PTPRJ: variants seen among roughly 807,000 people sequenced by gnomAD.
PTPRJ encodes protein tyrosine phosphatase receptor type J.
In PTPRJ, 129 loss-of-function variants were observed where a neutral mutation model predicts 141.3. The ratio of observed to expected loss-of-function variants is 0.91; its 90% CI spans 0.79 to 1.06. PTPRJ has a LOEUF of 1.06. Ranked by LOEUF, PTPRJ falls within the 50% of genes least tolerant of loss-of-function variation. PTPRJ has a pLI of 0.00. For synonymous variants in PTPRJ, 610 were observed against 640.5 expected (o/e 0.95, Z 0.72); for missense variants, 1,601 against 1,679.7 (o/e 0.95, Z 0.82).
chr11:48,069,082 G>A (rs942960150), intron 1 of PTPRJ, among the ~76,000 whole-genome samples: 2 of 151,686 alleles, frequency 1.3e-5, no homozygotes, highest in African/African-American at 4.9e-5. Flanking sequence ...AGAATAAGAT[G>A]TGTACCCATT....
chr11:48,139,675 C>T lies in PTPRJ; in HGVS notation c.2342C>T (p.Thr781Met), dbSNP rs774943725. 8.1e-6 allele frequency: 13 copies of T among 1,614,036 alleles called. No homozygotes were observed. Among genetic ancestry groups the T allele is most frequent in the South Asian group, 2.2e-5 (2 of 91,082 alleles). ...GGCACTGAGTATAGAACGGAAGTCA[C>T]GTATTTGAATTTTTCTACCTCGTAC... is the stretch of plus-strand genomic sequence containing the variant. ...ENGTEYRTEV[T>M]YLNFSTSYNI... Residue 781 changes from threonine to methionine, a missense_variant, in exon 11 of 25, where the codon ACG (threonine) becomes ATG (methionine). By Grantham distance (81) the Thr-to-Met change is moderately conservative (BLOSUM62 -1). Transcript: ENST00000418331.
intron 1 of PTPRJ, among the ~76,000 whole-genome samples, chr11:47,999,354 T>G (rs974527230): frequency 2.6e-5 from 4 of 152,354 alleles, no homozygotes. Flanking sequence ...GGAAGGAATC[T>G]GTTAAGAATG....
intron 1 of PTPRJ, 152 bp downstream of exon 1, chr11:47,981,160 C>T (rs1317497489): frequency 2.5e-6 from 2 of 800,990 alleles, no homozygotes; most frequent in East Asian, 4.2e-5. Context: ...GCGGGGACCC[C>T]GGCCGGCCTC....
intron 1 of PTPRJ, among the ~76,000 whole-genome samples, chr11:48,071,704 G>T (rs1043183704): frequency 6.7e-6 from 1 of 148,280 alleles, no homozygotes; most frequent in African/African-American, 2.5e-5. Context: ...CACCTCCCGG[G>T]TTCAAGCAAT....
intron 3 of PTPRJ, among the ~76,000 whole-genome samples, chr11:48,117,540 CAAAAAAAAAAAAAAAAAA>C (rs71045545): frequency 2.5e-4 from 5 of 19,674 alleles, no homozygotes; most frequent in African/African-American, 9.7e-4. Context: ...GATTCTGTCT[CAAAAAAAAAAAAAAAAAA>C]AAAAAAAAAA....
At chr11:48,059,322 C>T (rs766419950) in intron 1 of PTPRJ, among the ~76,000 whole-genome samples, 9 of 152,026 alleles carry the variant, frequency 5.9e-5, no homozygotes, top group African/African-American at 2.2e-4. Context: ...GGGGTTTCAT[C>T]ATGTTGGCCA....
At chr11:48,127,654 G>C (rs562637890) in intron 6 of PTPRJ, 126 bp from the exon 7 acceptor site, 4 of 963,060 alleles carry the variant, frequency 4.2e-6, no homozygotes, top group Non-Finnish European at 6.2e-6. Context: ...CACGGTTGAT[G>C]GTGCAGAGGA....
rs972227232 is a variant in PTPRJ, at chr11:48,170,631, C to T, written c.*3269C>T. The T allele has an allele frequency of 3.9e-5, 6 of 152,102 alleles. No homozygotes were observed. Among genetic ancestry groups the T allele is most frequent in the African/African-American group, 1.4e-4 (6 of 41,416 alleles). The allele number at this position is 152,102 out of a possible 1,614,324, so 9.4% of individuals were successfully genotyped here. On this transcript the variant is annotated 3_prime_UTR_variant, in exon 25 of 25. Transcript: ENST00000418331. ...TTTAACATACTGTAGCTTTTTCTCC[C>T]TTGGGGGCACATACAAATAGGATGT... is the stretch of plus-strand genomic sequence containing the variant.
chr11:48,159,126 TGTGTG>T (rs1215424065), intron 21 of PTPRJ, among the ~76,000 whole-genome samples: 1 of 137,174 alleles, frequency 7.3e-6, no homozygotes, highest in African/African-American at 2.8e-5. Context: ...ATGTGGGGTG[TGTGTG>T]TGTGTGTGTG....
chr11:48,093,120 C>T (rs947661952), intron 1 of PTPRJ, among the ~76,000 whole-genome samples: 2 of 152,118 alleles, frequency 1.3e-5, no homozygotes, highest in Non-Finnish European at 2.9e-5. Context: ...TAGCTGGATT[C>T]GTTTTCACTA....
chr11:48,035,219 C>T lies in PTPRJ; in HGVS notation c.96+54211C>T, dbSNP rs182199098. On this transcript the variant is annotated intron_variant, in intron 1 of 24. Coordinates refer to ENST00000418331, the MANE Select transcript of PTPRJ (RefSeq NM_002843.4). ...GGGCCTGACTGTGAGGCCACATGAG[C>T]CACCCCAGGGAGGCCAGCAGAGTCA... 2.9e-3 allele frequency among the ~76,000 whole-genome samples: 448 copies of T among 152,316 alleles called. 2 individuals are homozygous for T. The highest frequency in any genetic ancestry group is 2.1e-3 in the Non-Finnish European group (140 of 68,028).
At chr11:48,077,186 A>G (rs777368458) in intron 1 of PTPRJ, among the ~76,000 whole-genome samples, 18 of 152,210 alleles carry the variant, frequency 1.2e-4, no homozygotes, top group Non-Finnish European at 2.1e-4. Context: ...TCTTTAAAAA[A>G]AAAAAGGTTA....
In PTPRJ at chr11:48,170,486, G is replaced by T. The variant is rs1180630353; in HGVS notation, c.*3124G>T. On this transcript the variant is annotated 3_prime_UTR_variant, in exon 25 of 25. Coordinates refer to ENST00000418331, the MANE Select transcript of PTPRJ (RefSeq NM_002843.4). ...TTTTTCATCTGGGATGAAAAAGCCT[G>T]GTTCTCTTTTGAAATGCTTGATTGT... 1 of 152,150 alleles carries T rather than the reference G, an allele frequency of 6.6e-6. No individual in the cohort carries two copies. Among genetic ancestry groups the T allele is most frequent in the Non-Finnish European group, 1.5e-5 (1 of 68,028 alleles). 9.4% of individuals were successfully genotyped at this position (152,150 alleles called of 1,614,324 possible). A position where few individuals can be genotyped will look rare whatever the true frequency, so the allele number is the denominator to read the frequency against.
At chr11:48,085,311 G>A (rs540031115) in intron 1 of PTPRJ, among the ~76,000 whole-genome samples, 32 of 146,680 alleles carry the variant, frequency 2.2e-4, no homozygotes, top group Admixed American at 9.5e-4. Flanking sequence ...TGTCATTTAT[G>A]TTAACAGGTG....
chr11:48,034,774 C>G (rs1172250506), intron 1 of PTPRJ, among the ~76,000 whole-genome samples: 2 of 152,216 alleles, frequency 1.3e-5, no homozygotes, highest in African/African-American at 4.8e-5. Flanking sequence ...AGGTTCTTCA[C>G]CATTATACTC....
rs572121410 is a variant in PTPRJ, at chr11:48,130,543, C to A, written c.1442C>A (p.Ser481Ter). ...GLAWSSHDAE[S>*]FQMHITQEGA... is the part of the protein sequence containing the mutation. ...GCATGGAGCAGCCATGATGCAGAAT[C>A]ATTTCAGATGCATATCACACAGGAG... Residue 481 changes from serine to a stop codon, truncating the protein, a stop_gained, in exon 8 of 25, where the codon TCA becomes TAA. Transcript: ENST00000418331. LOFTEE classifies it high-confidence loss of function. 6.2e-7 allele frequency: 1 copy of A among 1,614,102 alleles called. No individual in the cohort carries two copies. Among genetic ancestry groups the A allele is most frequent in the South Asian group, 1.1e-5 (1 of 91,064 alleles).
At chr11:48,032,725 C>T (rs992618015) in intron 1 of PTPRJ, among the ~76,000 whole-genome samples, 2 of 152,200 alleles carry the variant, frequency 1.3e-5, no homozygotes, top group Non-Finnish European at 2.9e-5. Flanking sequence ...TGCCATTGCA[C>T]TCCATCCTGG....
chr11:48,047,569 T>A lies in PTPRJ; in HGVS notation c.97-62489T>A, dbSNP rs376032354. Among the ~76,000 whole-genome samples, 36 of 151,928 alleles carry A rather than the reference T, an allele frequency of 2.4e-4. No homozygotes were observed. The East Asian group carries it at 5.0e-3, about 21-fold the overall frequency. On this transcript the variant is annotated intron_variant, in intron 1 of 24. Coordinates refer to ENST00000418331, the MANE Select transcript of PTPRJ (RefSeq NM_002843.4). ...CCCAGGCTGGAGTGCAGTGGTGGGA[T>A]CTCAGCTCACTGCAACCTCTGCCTC...
At chr11:47,992,789 G>A (rs1169758911) in intron 1 of PTPRJ, among the ~76,000 whole-genome samples, 2 of 152,148 alleles carry the variant, frequency 1.3e-5, no homozygotes, top group Non-Finnish European at 2.9e-5. Context: ...GGTAAGTATT[G>A]TAAAAATACC....
Sources: gnomAD v4.1 joint callset for allele counts (sites outside exome capture counted in the v4.1 genomes callset) on GRCh38, gnomAD v4.1.1 for gene constraint, MANE v1.5 for transcripts, NCBI Gene and HGNC (gene_info 2026-07-23, HGNC 2026-07-21) for gene names.